The following DNAH12 variants were observed in gnomAD, a reference collection of about 807,000 sequenced individuals.
DNAH12 encodes axonemal beta dynein heavy chain 12.
In DNAH12, 285 loss-of-function variants were observed where a neutral mutation model predicts 371.5. That is an observed-to-expected ratio of 0.77 (90% CI 0.70 to 0.85). DNAH12 has a LOEUF of 0.85. DNAH12 is among the 40% of genes least tolerant of loss of function. The pLI is 0.00. For missense variants in DNAH12, 3,611 were observed against 3,689.4 expected, an observed-to-expected ratio of 0.98 and a Z score of 0.55; for synonymous variants, 1,200 against 1,213.0, an observed-to-expected ratio of 0.99 and a Z score of 0.22.
chr3:57,460,312 AC>A (rs930347642), intron 19 of DNAH12, among the ~76,000 whole-genome samples: 1 of 152,116 alleles, frequency 6.6e-6, no homozygotes, highest in Non-Finnish European at 1.5e-5. Context: ...ATCCTGCTCT[AC>A]TCTACATCAA....
chr3:57,447,238 C>T (rs2065535126), intron 25 of DNAH12, among the ~76,000 whole-genome samples: 1 of 152,186 alleles, frequency 6.6e-6, no homozygotes, highest in Admixed American at 6.5e-5. Context: ...CACTTTCTAC[C>T]TTGTATTATA....
At chr3:57,427,135 C>A (rs1305419868) in intron 34 of DNAH12, among the ~76,000 whole-genome samples, 39 of 58,798 alleles carry the variant, frequency 6.6e-4, no homozygotes, top group African/African-American at 4.8e-3. Context: ...ATGTAAGAAG[C>A]GAATGTGTGT....
chr3:57,478,656 G>C (rs557798301), intron 13 of DNAH12, among the ~76,000 whole-genome samples: 3 of 152,114 alleles, frequency 2.0e-5, no homozygotes, highest in African/African-American at 7.2e-5. Flanking sequence ...AGGAAAAAAT[G>C]TTAAGGGCAG....
intron 59 of DNAH12, among the ~76,000 whole-genome samples, chr3:57,356,365 C>A (rs1252350523): frequency 6.6e-6 from 1 of 151,686 alleles, no homozygotes; most frequent in African/African-American, 2.4e-5. Flanking sequence ...ATCACCTGAG[C>A]CTGGGAGGTT....
At chr3:57,524,012 G>A (rs1460252116) in intron 2 of DNAH12, 128 bp from the exon 3 acceptor site, 1 of 548,400 alleles carries the variant, frequency 1.8e-6, no homozygotes, top group African/African-American at 1.9e-5. Flanking sequence ...AATTTTTTAT[G>A]AGAAACAAAT....
In DNAH12 at chr3:57,507,654, T is replaced by C. The variant is rs1297922200; in HGVS notation, c.886A>G (p.Met296Val). The C allele has an allele frequency of 6.2e-7, 1 of 1,600,634 alleles. No individual in the cohort carries two copies. Among genetic ancestry groups the C allele is most frequent in the Non-Finnish European group, 8.5e-7 (1 of 1,177,608 alleles). The part of the protein sequence containing the change: ...DAFYSCVSTL[M>V]SNQLKDLLRR... ...TAAAGTGTATGTACCTGATTTGACA[T>C]AAGTGTGGAAACACAGCTATAAAAT... The change falls in exon 8 of 74, where the codon ATG becomes GTG. Residue 296 changes from methionine to valine, a missense_variant. Met to Val is a conservative substitution (Grantham distance 21). Coordinates refer to ENST00000495027, the MANE Select transcript of DNAH12 (RefSeq NM_001366028.2).
At chr3:57,298,029 T>C (rs895983149) in intron 70 of DNAH12, among the ~76,000 whole-genome samples, 3 of 152,246 alleles carry the variant, frequency 2.0e-5, no homozygotes, top group African/African-American at 7.2e-5. Flanking sequence ...CTTTCAGGCA[T>C]CCTGCATTCT....
chr3:57,519,852 G>C (rs1476606296), intron 4 of DNAH12: 2 of 1,021,522 alleles, frequency 2.0e-6, no homozygotes, highest in Non-Finnish European at 3.1e-6. Flanking sequence ...CCTGGACTCT[G>C]CAGATGGCGC....
chr3:57,315,024 A>C (rs2061657291), intron 65 of DNAH12, among the ~76,000 whole-genome samples: 1 of 152,200 alleles, frequency 6.6e-6, no homozygotes, highest in Non-Finnish European at 1.5e-5. Context: ...TTATGATATG[A>C]ATAAATCCCA....
intron 34 of DNAH12, among the ~76,000 whole-genome samples, chr3:57,427,138 A>T (rs867315340): frequency 7.2e-6 from 1 of 138,784 alleles, no homozygotes; most frequent in Non-Finnish European, 1.5e-5. Context: ...TAAGAAGCGA[A>T]TGTGTGTGTG....
intron 62 of DNAH12, among the ~76,000 whole-genome samples, chr3:57,330,095 A>G (rs2062057232): frequency 6.6e-6 from 1 of 151,860 alleles, no homozygotes; most frequent in South Asian, 2.1e-4. Flanking sequence ...AGAAATAGGA[A>G]CACTTTTACA....
chr3:57,349,208 C>A (rs2062613742), intron 60 of DNAH12, among the ~76,000 whole-genome samples: 1 of 152,042 alleles, frequency 6.6e-6, no homozygotes, highest in African/African-American at 2.4e-5. Context: ...TACAAATGGC[C>A]AACAAGCATA....
At chr3:57,403,776 G>A (rs1158981440) in intron 42 of DNAH12, among the ~76,000 whole-genome samples, 1 of 152,042 alleles carries the variant, frequency 6.6e-6, no homozygotes, top group Admixed American at 6.6e-5. Flanking sequence ...TGCTAATACT[G>A]GCAGTATATT....
At chr3:57,354,438 C>T (rs1295999401) in intron 59 of DNAH12, among the ~76,000 whole-genome samples, 1 of 151,332 alleles carries the variant, frequency 6.6e-6, no homozygotes, top group Non-Finnish European at 1.5e-5. Flanking sequence ...ATACTAACCC[C>T]CTGTGACATG....
upstream of DNAH12, among the ~76,000 whole-genome samples, chr3:57,545,761 A>G (rs2069529071): frequency 6.6e-6 from 1 of 152,130 alleles, no homozygotes; most frequent in Non-Finnish European, 1.5e-5. Context: ...TTGTGCCTGG[A>G]GACATGCCCA....
intron 43 of DNAH12, among the ~76,000 whole-genome samples, chr3:57,396,601 G>A (rs1252507458): frequency 1.3e-5 from 2 of 151,816 alleles, no homozygotes; most frequent in Non-Finnish European, 2.9e-5. Context: ...GATTACAGGT[G>A]CATTCCACTA....
Position 57,351,331 on chromosome 3 carries a change from G to T in DNAH12, c.9674+754C>A, listed in dbSNP as rs79902557. ...AATAAAACGTTGGTGGGGATCTGGT[G>T]CAATGGAATGCTCAAATTCTGTTAA... On this transcript the variant is annotated intron_variant, in intron 60 of 73. Transcript: ENST00000495027. 8.9e-3 allele frequency among the ~76,000 whole-genome samples: 1,361 copies of T among 152,210 alleles called. 18 individuals carry two copies. Among genetic ancestry groups the T allele is most frequent in the African/African-American group, 0.03 (1,248 of 41,530 alleles).
chr3:57,492,215 C>T (rs2067151165), intron 11 of DNAH12, among the ~76,000 whole-genome samples: 1 of 151,850 alleles, frequency 6.6e-6, no homozygotes, highest in African/African-American at 2.4e-5. Flanking sequence ...AATCCCAGCA[C>T]TTTGGGAGGC....
chr3:57,401,378 A>C (rs2063854513), intron 43 of DNAH12, among the ~76,000 whole-genome samples: 1 of 147,462 alleles, frequency 6.8e-6, no homozygotes, highest in African/African-American at 2.5e-5. Flanking sequence ...GGTGAAACCC[A>C]TCTCTACTAA....
Sources: allele counts gnomAD v4.1 joint callset (sites outside exome capture counted in the v4.1 genomes callset), GRCh38; gene constraint gnomAD v4.1.1; transcripts MANE v1.5; gene names NCBI Gene and HGNC (gene_info 2026-07-23, HGNC 2026-07-21).